Variants in CD28 observed in about 807,000 individuals in gnomAD.
CD28 encodes the protein T-cell-specific surface glycoprotein CD28.
A neutral mutation model predicts 21.4 loss-of-function variants in CD28; 8 were observed. That is an observed-to-expected ratio of 0.37 (90% CI 0.22 to 0.68). The LOEUF (loss-of-function observed/expected upper bound fraction) is 0.68. Ranked by LOEUF, CD28 falls within the 30% of genes least tolerant of loss-of-function variation. The pLI, the probability that CD28 is intolerant of heterozygous loss-of-function variation, is 0.55. For missense variants in CD28, 239 were observed against 272.2 expected (o/e 0.88, Z 0.86); for synonymous variants, 106 against 104.0 (o/e 1.02, Z -0.12).
intron 2 of CD28, among the ~76,000 whole-genome samples, chr2:203,727,969 G>T (rs1209995421): frequency 6.6e-6 from 1 of 151,944 alleles, no homozygotes; most frequent in Admixed American, 6.6e-5. Context: ...GAGCCACCGC[G>T]CCCAGCCATT....
chr2:203,706,620 G>A (rs1693162827), upstream of CD28: 1 of 1,612,296 alleles, frequency 6.2e-7, no homozygotes, highest in Non-Finnish European at 8.5e-7. Context: ...CTTGGCAGGT[G>A]CGTCTTTCAG....
chr2:203,710,259 G>GT (rs1224928653), intron 1 of CD28, among the ~76,000 whole-genome samples: 3 of 152,218 alleles, frequency 2.0e-5, no homozygotes, highest in African/African-American at 7.2e-5. Flanking sequence ...TATTTCAAAA[G>GT]TATAGGCATT....
chr2:203,716,317 C>T (rs903864863), intron 1 of CD28, among the ~76,000 whole-genome samples: 2 of 152,168 alleles, frequency 1.3e-5, no homozygotes, highest in African/African-American at 4.8e-5. Flanking sequence ...GGAAACAAGG[C>T]TTCTTTCGCG....
Position 203,726,332 on chromosome 2 carries a change from G to A in CD28, c.53-301G>A, listed in dbSNP as rs182900552. Among the ~76,000 whole-genome samples, 976 of 152,280 alleles carry A rather than the reference G, an allele frequency of 6.4e-3. 3 individuals are homozygous for A. Among genetic ancestry groups the A allele is most frequent in the Admixed American group, 0.013 (192 of 15,298 alleles). The stretch of plus-strand genomic sequence containing the variant: ...TGCATGATTAATATTAATGTCTCAG[G>A]AATATAGATTTAAAAATTGTGAGTG... On this transcript the variant is annotated intron_variant, in intron 1 of 3. Coordinates refer to ENST00000324106, the MANE Select transcript of CD28 (RefSeq NM_006139.4).
In CD28 at chr2:203,736,192, G is replaced by C. The variant is rs1694030302; in HGVS notation, c.*1280G>C. On this transcript the variant is annotated 3_prime_UTR_variant, in exon 4 of 4. Transcript: ENST00000324106. ...GGAGATCCAAAGTGGGTTGTGGAAA[G>C]AGCGTCCATAGGAGAAGTGAGAATA... The C allele has an allele frequency of 6.5e-6, 1 of 152,678 alleles. No homozygotes were observed. Among genetic ancestry groups the C allele is most frequent in the Non-Finnish European group, 1.5e-5 (1 of 68,082 alleles). 9.5% of individuals were successfully genotyped at this position (152,678 alleles called of 1,614,324 possible). A position where few individuals can be genotyped will look rare whatever the true frequency, so the allele number is the denominator to read the frequency against.
At chr2:203,713,970 GA>G (rs1201144083) in intron 1 of CD28, among the ~76,000 whole-genome samples, 1 of 149,872 alleles carries the variant, frequency 6.7e-6, no homozygotes, top group East Asian at 2.0e-4. Flanking sequence ...GGAGGGAGAG[GA>G]AAAAAAGAGG....
At position 203,706,679 on chromosome 2, in the gene CD28, C is replaced by T; in HGVS notation, c.-18C>T. On this transcript the variant is annotated 5_prime_UTR_variant, in exon 1 of 4. Coordinates refer to ENST00000324106, the MANE Select transcript of CD28 (RefSeq NM_006139.4). ...CGGGGAGGAGGGGCTGGAACCCTAGCCCATCGTCAGGACAAAGATGCTCAG... is the reference window on the plus strand; with the variant it reads ...CGGGGAGGAGGGGCTGGAACCCTAGTCCATCGTCAGGACAAAGATGCTCAG... The T allele has an allele frequency of 6.2e-7, 1 of 1,614,090 alleles. No individual in the cohort carries two copies. Among genetic ancestry groups the T allele is most frequent in the Non-Finnish European group, 8.5e-7 (1 of 1,180,020 alleles).
In CD28 at chr2:203,729,670, C is replaced by T; in HGVS notation, c.432C>T (p.Pro144=). The change falls in exon 3 of 4, where the codon CCC becomes CCT. Residue 144 remains proline (P), a synonymous_variant. Transcript: ENST00000324106. ...CAGGGAAACACCTTTGTCCAAGTCC[C>T]CTATTTCCCGGACCTTCTAAGCCCT... ...HVKGKHLCPS[P]LFPGPSKPFW... 1.2e-6 allele frequency: 2 copies of T among 1,613,974 alleles called. No individual in the cohort carries two copies. The highest frequency in any genetic ancestry group is 1.7e-6 in the Non-Finnish European group (2 of 1,179,916).
At chr2:203,734,750 T>C (rs1490391696) in intron 3 of CD28, 34 bp from the exon 4 acceptor site, 2 of 1,613,200 alleles carry the variant, frequency 1.2e-6, no homozygotes, top group South Asian at 1.1e-5. Context: ...TCCATGACAT[T>C]GTCCCTCCAT....
At position 203,735,359 on chromosome 2, in the gene CD28, C is replaced by T. The variant is rs1455338816; in HGVS notation, c.*447C>T. The T allele has an allele frequency of 3.6e-5, 6 of 167,814 alleles. No homozygotes were observed. The highest frequency in any genetic ancestry group is 1.9e-4 in the East Asian group (1 of 5,398). 10.4% of individuals were successfully genotyped at this position (167,814 alleles called of 1,614,324 possible). On this transcript the variant is annotated 3_prime_UTR_variant, in exon 4 of 4. Coordinates refer to ENST00000324106, the MANE Select transcript of CD28 (RefSeq NM_006139.4). ...TTAATCTTTTGGTTAGTGGGTTAAA[C>T]GGGGTAAGTTAGAGTAGGGGGAGGG...
chr2:203,707,320 C>T (rs866992793), intron 1 of CD28, among the ~76,000 whole-genome samples: 1 of 152,038 alleles, frequency 6.6e-6, no homozygotes, highest in Non-Finnish European at 1.5e-5. Flanking sequence ...ACTCTCCAAA[C>T]CTCAGTTTCC....
chr2:203,722,715 C>T (rs926659489), intron 1 of CD28, among the ~76,000 whole-genome samples: 1 of 152,188 alleles, frequency 6.6e-6, no homozygotes, highest in Non-Finnish European at 1.5e-5. Context: ...AAAGGTAGAA[C>T]TCAAATGTCA....
Position 203,737,065 on chromosome 2 carries a change from T to C in CD28, c.*2153T>C, listed in dbSNP as rs1694056872. On this transcript the variant is annotated 3_prime_UTR_variant, in exon 4 of 4. Coordinates refer to ENST00000324106, the MANE Select transcript of CD28 (RefSeq NM_006139.4). ...TTTTAACTTCCATCATTTTCCTGTTTCTTGAAATAGTTTATCTTGTAATGA... is the reference window on the plus strand; with the variant it reads ...TTTTAACTTCCATCATTTTCCTGTTCCTTGAAATAGTTTATCTTGTAATGA... 6.6e-6 allele frequency: 1 copy of C among 152,244 alleles called. No individual in the cohort carries two copies. Among genetic ancestry groups the C allele is most frequent in the African/African-American group, 2.4e-5 (1 of 41,466 alleles). The allele number at this position is 152,244 out of a possible 1,614,324, so 9.4% of individuals were successfully genotyped here. A position where few individuals can be genotyped will look rare whatever the true frequency, so the allele number is the denominator to read the frequency against.
chr2:203,735,116 G>A lies in CD28; in HGVS notation c.*204G>A. The A allele has an allele frequency of 1.7e-6, 1 of 605,036 alleles. No individual in the cohort carries two copies. Among genetic ancestry groups the A allele is most frequent in the South Asian group, 2.1e-5 (1 of 47,432 alleles). The allele number at this position is 605,036 out of a possible 1,614,324, so 37.5% of individuals were successfully genotyped here. A position where few individuals can be genotyped will look rare whatever the true frequency, so the allele number is the denominator to read the frequency against. On this transcript the variant is annotated 3_prime_UTR_variant, in exon 4 of 4. Transcript: ENST00000324106. ...GAAGTAAAAGAGATTTCCTGTGACAGGCCAAGTCTTACAGTGCCATGGCCC... is the reference window on the plus strand; with the variant it reads ...GAAGTAAAAGAGATTTCCTGTGACAAGCCAAGTCTTACAGTGCCATGGCCC...
At chr2:203,711,645 T>C (rs994941225) in intron 1 of CD28, among the ~76,000 whole-genome samples, 1 of 152,252 alleles carries the variant, frequency 6.6e-6, no homozygotes, top group Non-Finnish European at 1.5e-5. Context: ...TAGTTCACTT[T>C]GGCCTCTGAT....
intron 1 of CD28, among the ~76,000 whole-genome samples, chr2:203,707,042 C>G (rs1460591589): frequency 6.6e-6 from 1 of 151,960 alleles, no homozygotes; most frequent in African/African-American, 2.4e-5. Context: ...TGGGGTTTCA[C>G]TATGTTGCCC....
intron 1 of CD28, among the ~76,000 whole-genome samples, chr2:203,725,466 G>A (rs1440328232): frequency 1.3e-5 from 2 of 151,106 alleles, no homozygotes; most frequent in African/African-American, 4.9e-5. Context: ...AATGTTTCTA[G>A]GCCTTATACA....
At position 203,712,686 on chromosome 2, in the gene CD28, G is replaced by T. The variant is rs146424153; in HGVS notation, c.52+5938G>T. On this transcript the variant is annotated intron_variant, in intron 1 of 3. Coordinates refer to ENST00000324106, the MANE Select transcript of CD28 (RefSeq NM_006139.4). ...GTTGAAGAAAGAAATGAATGAATTA[G>T]TAACAAAATGAGGAAGCATAAAATA... Among the ~76,000 whole-genome samples, 4 of 152,256 alleles carry T rather than the reference G, an allele frequency of 2.6e-5. No individual in the cohort carries two copies. The East Asian group carries it at 7.7e-4, about 29-fold the overall frequency.
rs1480997356 is a variant in CD28 at position 203,733,928 on chromosome 2, CTTAT to C, written c.535-850_535-847del. On this transcript the variant is annotated intron_variant, in intron 3 of 3. Transcript: ENST00000324106. ...ACAAAACCAGGGCTGAAATCATTCA[CTTAT>C]TTATTCATTCAGGTATCATGTCATT... Among the ~76,000 whole-genome samples the C allele has an allele frequency of 2.0e-5, 3 of 152,144 alleles. No individual in the cohort carries two copies. In the East Asian group the frequency reaches 5.8e-4, roughly 29 times the overall value.
Sources: gnomAD v4.1 joint callset for allele counts (sites outside exome capture counted in the v4.1 genomes callset) on GRCh38, gnomAD v4.1.1 for gene constraint, MANE v1.5 for transcripts, NCBI Gene and HGNC (gene_info 2026-07-23, HGNC 2026-07-21) for gene names.